DPP10: variants seen among roughly 807,000 people sequenced by gnomAD.
The protein encoded by DPP10 is dipeptidyl peptidase like 10.
In DPP10, 33 loss-of-function variants were observed where a neutral mutation model predicts 120.9. That is an observed-to-expected ratio of 0.27 (90% CI 0.21 to 0.37). The LOEUF is 0.37. Among genes scored for constraint, DPP10 ranks in the 10% least tolerant of loss-of-function variants. The pLI is 1.00. For synonymous variants in DPP10, 337 were observed against 326.1 expected (o/e 1.03, Z -0.36); for missense variants, 816 against 942.8 (o/e 0.87, Z 1.76).
chr2:115,572,282 G>A (rs1458314991), intron 5 of DPP10, among the ~76,000 whole-genome samples: 1 of 151,558 alleles, frequency 6.6e-6, no homozygotes, highest in South Asian at 2.1e-4. Flanking sequence ...CTTTTAAATA[G>A]CTTCATTTTC....
chr2:115,213,003 C>T (rs1490613077), intron 1 of DPP10, among the ~76,000 whole-genome samples: 1 of 152,070 alleles, frequency 6.6e-6, no homozygotes, highest in African/African-American at 2.4e-5. Flanking sequence ...ATTGGCCCTG[C>T]CCATTAATAT....
chr2:115,816,730 C>A (rs557891940), intron 21 of DPP10, among the ~76,000 whole-genome samples: 1 of 149,872 alleles, frequency 6.7e-6, no homozygotes, highest in Non-Finnish European at 1.5e-5. Context: ...GATTCTCCTG[C>A]ATCAGCCTCC....
intron 1 of DPP10, among the ~76,000 whole-genome samples, chr2:114,777,718 T>C (rs1574163466): frequency 6.6e-6 from 1 of 152,226 alleles, no homozygotes; most frequent in African/African-American, 2.4e-5. Context: ...AAGCAGTAAA[T>C]GTTTAAATGA....
intron 12 of DPP10, among the ~76,000 whole-genome samples, chr2:115,765,789 A>G (rs1269164210): frequency 6.6e-6 from 1 of 152,152 alleles, no homozygotes; most frequent in Non-Finnish European, 1.5e-5. Context: ...GAAGTGATTC[A>G]CTCAGTCAAG....
rs775985067 is a variant in DPP10, at chr2:115,088,768, A to AAAAAAAAAAAAAAAC, written c.61-220470_61-220469insAAAAAAAAAAAAACA. Among the ~76,000 whole-genome samples, 475 of 134,680 alleles carry AAAAAAAAAAAAAAAC rather than the reference A, an allele frequency of 3.5e-3. 29 individuals are homozygous for AAAAAAAAAAAAAAAC. Among genetic ancestry groups the AAAAAAAAAAAAAAAC allele is most frequent in the East Asian group, 6.1e-3 (27 of 4,444 alleles). The allele number at this position is 134,680 out of a possible 152,430, so 88.4% of individuals were successfully genotyped here. A position where few individuals can be genotyped will look rare whatever the true frequency, so the allele number is the denominator to read the frequency against. On this transcript the variant is annotated intron_variant, in intron 1 of 25. Transcript: ENST00000410059. ...TGCCTGACAAAAAAAAAAAAAAAAA[A>AAAAAAAAAAAAAAAC]ACCAAAAAACAAAAAAAACCTTAAA...
chr2:114,946,134 A>T (rs6736340), intron 1 of DPP10, among the ~76,000 whole-genome samples: 3 of 151,988 alleles, frequency 2.0e-5, no homozygotes, highest in African/African-American at 7.3e-5. Context: ...TTGGTACAGA[A>T]GAAAGAACTT....
intron 1 of DPP10, among the ~76,000 whole-genome samples, chr2:115,027,046 G>C (rs1057072959): frequency 2.6e-5 from 4 of 151,888 alleles, no homozygotes; most frequent in South Asian, 2.1e-4. Flanking sequence ...CTATTTCTTT[G>C]GTTAAACTGT....
intron 1 of DPP10, among the ~76,000 whole-genome samples, chr2:114,451,363 A>T (rs964885718): frequency 6.6e-6 from 1 of 152,104 alleles, no homozygotes; most frequent in Admixed American, 6.6e-5. Context: ...GGAGGGTGAT[A>T]GCTTTTGTTT....
intron 1 of DPP10, among the ~76,000 whole-genome samples, chr2:115,000,436 G>A (rs1701365255): frequency 6.6e-6 from 1 of 152,100 alleles, no homozygotes. Context: ...ACTGTGTTCT[G>A]TAATGTGGAA....
At chr2:115,033,614 T>G (rs1243693832) in intron 1 of DPP10, among the ~76,000 whole-genome samples, 1 of 152,262 alleles carries the variant, frequency 6.6e-6, no homozygotes, top group Non-Finnish European at 1.5e-5. Context: ...GTAATAAATT[T>G]CTGATTTCTA....
intron 1 of DPP10, among the ~76,000 whole-genome samples, chr2:115,189,454 C>T (rs986305729): frequency 6.6e-6 from 1 of 152,108 alleles, no homozygotes; most frequent in African/African-American, 2.4e-5. Context: ...AAGTTATTTA[C>T]TGAAACTAGA....
chr2:115,379,531 G>T (rs1367528811), intron 3 of DPP10, among the ~76,000 whole-genome samples: 1 of 151,940 alleles, frequency 6.6e-6, no homozygotes, highest in Non-Finnish European at 1.5e-5. Flanking sequence ...TTTTTGAAGG[G>T]TTTTTTGTGT....
chr2:115,476,691 C>T (rs2075106837), intron 3 of DPP10, among the ~76,000 whole-genome samples: 1 of 152,138 alleles, frequency 6.6e-6, no homozygotes, highest in African/African-American at 2.4e-5. Flanking sequence ...CCACTTCCAA[C>T]ATTGGGGAAT....
At chr2:115,424,619 G>T (rs1369868224) in intron 3 of DPP10, among the ~76,000 whole-genome samples, 2 of 151,880 alleles carry the variant, frequency 1.3e-5, no homozygotes, top group Non-Finnish European at 2.9e-5. Context: ...TATTTCTTTT[G>T]TCTAGGAGGG....
In DPP10 at chr2:115,777,261, G is replaced by A; in HGVS notation, c.1275G>A (p.Val425=). 1.2e-6 allele frequency: 2 copies of A among 1,613,186 alleles called. No homozygotes were observed. Among genetic ancestry groups the A allele is most frequent in the South Asian group, 1.1e-5 (1 of 91,056 alleles). ...ATCTGACATCAGGAAACTGGGAAGTGATAAAGATCTTGGCATACGATGAAA... is the reference window on the plus strand; with the variant it reads ...ATCTGACATCAGGAAACTGGGAAGTAATAAAGATCTTGGCATACGATGAAA... The part of the protein sequence containing the change: ...VRHLTSGNWE[V]IKILAYDETT... Residue 425 remains valine, a synonymous_variant, in exon 14 of 26, where the codon GTG becomes GTA. Coordinates refer to ENST00000410059, the MANE Select transcript of DPP10 (RefSeq NM_020868.6).
At chr2:115,562,124 C>A (rs1448241544) in intron 5 of DPP10, among the ~76,000 whole-genome samples, 2 of 152,204 alleles carry the variant, frequency 1.3e-5, no homozygotes, top group Admixed American at 6.5e-5. Context: ...TCATATCTCA[C>A]CTTTTCTGCT....
At chr2:114,676,351 A>G (rs548089216) in intron 1 of DPP10, among the ~76,000 whole-genome samples, 192 of 152,204 alleles carry the variant, frequency 1.3e-3, no homozygotes, top group African/African-American at 4.3e-3. Flanking sequence ...CCTATTTTCA[A>G]CTCTCCATAG....
chr2:114,849,427 G>T (rs1688779101), intron 1 of DPP10, among the ~76,000 whole-genome samples: 1 of 152,098 alleles, frequency 6.6e-6, no homozygotes, highest in Non-Finnish European at 1.5e-5. Flanking sequence ...ATGGCTCACG[G>T]CAGCCTCAAC....
At chr2:115,575,078 T>C (rs2081566850) in intron 5 of DPP10, among the ~76,000 whole-genome samples, 1 of 152,158 alleles carries the variant, frequency 6.6e-6, no homozygotes, top group Non-Finnish European at 1.5e-5. Flanking sequence ...TGATTGACCA[T>C]ACATTTAGAA....
Sources: gnomAD v4.1 joint callset for allele counts (sites outside exome capture counted in the v4.1 genomes callset) on GRCh38, gnomAD v4.1.1 for gene constraint, MANE v1.5 for transcripts, NCBI Gene and HGNC (gene_info 2026-07-23, HGNC 2026-07-21) for gene names.